The following PHKB variants were observed in gnomAD, a reference collection of about 807,000 sequenced individuals.
The protein encoded by PHKB is phosphorylase kinase regulatory subunit beta, also known as phosphorylase b kinase regulatory subunit beta.
A neutral mutation model predicts 152.1 loss-of-function variants in PHKB; 122 were observed. The ratio of observed to expected loss-of-function variants is 0.80; its 90% CI spans 0.69 to 0.93. The LOEUF (loss-of-function observed/expected upper bound fraction) is 0.93. Among genes scored for constraint, PHKB ranks in the 40% least tolerant of loss-of-function variants. The pLI is 0.00. For synonymous variants in PHKB, 436 were observed against 464.9 expected, an observed-to-expected ratio of 0.94 and a Z score of 0.80; for missense variants, 1,304 against 1,328.4, an observed-to-expected ratio of 0.98 and a Z score of 0.29.
At position 47,499,833 on chromosome 16, in the gene PHKB, G is replaced by A. The variant is rs753655193; in HGVS notation, c.244G>A (p.Ala82Thr). Residue 82 changes from alanine to threonine, a missense_variant, in exon 3 of 31, where the codon GCC (alanine) becomes ACC (threonine). Coordinates refer to ENST00000323584, the MANE Select transcript of PHKB (RefSeq NM_000293.3). Reference protein sequence around the residue: ...PTKTCGGDQKAKIQDSLYCAA... With the variant: ...PTKTCGGDQKTKIQDSLYCAA... ...TAAAACATGCGGTGGTGACCAGAAG[G>A]CCAAGATCCAGGACAGCCTATACTG... 2 of 1,614,112 alleles carry A rather than the reference G, an allele frequency of 1.2e-6. No individual in the cohort carries two copies. The highest frequency in any genetic ancestry group is 8.5e-7 in the Non-Finnish European group (1 of 1,180,000).
chr16:47,621,500 C>G (rs1413884984), intron 14 of PHKB, among the ~76,000 whole-genome samples: 1 of 152,178 alleles, frequency 6.6e-6, no homozygotes, highest in African/African-American at 2.4e-5. Context: ...GGAAATCATG[C>G]ATGTGGCTCA....
intron 1 of PHKB, among the ~76,000 whole-genome samples, chr16:47,470,742 C>A (rs1319071195): frequency 1.3e-5 from 2 of 152,242 alleles, no homozygotes; most frequent in African/African-American, 4.8e-5. Flanking sequence ...AAATAAACAA[C>A]AGTGGTTACT....
intron 6 of PHKB, among the ~76,000 whole-genome samples, chr16:47,528,724 A>C (rs1456142443): frequency 7.3e-6 from 1 of 136,484 alleles, no homozygotes; most frequent in Non-Finnish European, 1.5e-5. Context: ...ATTTTGACGG[A>C]GTCTCACTGT....
chr16:47,497,582 G>A (rs1457201515), intron 2 of PHKB, 94 bp downstream of exon 2: 68 of 783,248 alleles, frequency 8.7e-5, no homozygotes, highest in Non-Finnish European at 2.0e-5. Context: ...GGATGATATT[G>A]TTCTGTCATT....
intron 26 of PHKB, among the ~76,000 whole-genome samples, chr16:47,678,936 T>C (rs942518517): frequency 4.6e-5 from 7 of 152,222 alleles, no homozygotes; most frequent in Admixed American, 4.6e-4. Flanking sequence ...CCATCTTGAA[T>C]TGATTTTTGT....
At chr16:47,663,604 T>C (rs1973481676) in intron 23 of PHKB, 73 bp from the exon 24 acceptor site, 4 of 1,272,066 alleles carry the variant, frequency 3.1e-6, no homozygotes, top group Middle Eastern at 2.1e-4. Flanking sequence ...AAATGAGTAC[T>C]TTTAAGAGGA....
At position 47,464,012 on chromosome 16, in the gene PHKB, A is replaced by G. The variant is rs1293923468; in HGVS notation, c.76+2586A>G. 3.5e-6 allele frequency: 5 copies of G among 1,433,480 alleles called. No homozygotes were observed. The highest frequency in any genetic ancestry group is 4.5e-5 in the East Asian group (2 of 44,094). The allele number at this position is 1,433,480 out of a possible 1,614,324, so 88.8% of individuals were successfully genotyped here. A position where few individuals can be genotyped will look rare whatever the true frequency, so the allele number is the denominator to read the frequency against. On this transcript the variant is annotated intron_variant, in intron 1 of 30. Coordinates refer to ENST00000323584, the MANE Select transcript of PHKB (RefSeq NM_000293.3). ...AGGTCTGGTAAGTGTTGTAGACCCC[A>G]AAAGGGTCACTTGGTAATTTTAAAT... is the stretch of plus-strand genomic sequence containing the variant.
In PHKB at chr16:47,669,479, G is replaced by A. The variant is rs974442529; in HGVS notation, c.2630+62G>A. On this transcript the variant is annotated intron_variant, in intron 26 of 30. Coordinates refer to ENST00000323584, the MANE Select transcript of PHKB (RefSeq NM_000293.3). Reference sequence around the variant, plus strand: ...GTTCAAGTTGTCCTCTAACAGACCCGGCCTCTCCAAGTGAAGCAATGTTCC... The same window carrying A: ...GTTCAAGTTGTCCTCTAACAGACCCAGCCTCTCCAAGTGAAGCAATGTTCC... 1.2e-5 allele frequency: 18 copies of A among 1,454,560 alleles called. 1 individual carries two copies. The highest frequency in any genetic ancestry group is 2.3e-5 in the East Asian group (1 of 44,138). The allele number at this position is 1,454,560 out of a possible 1,614,324, so 90.1% of individuals were successfully genotyped here.
chr16:47,488,401 C>T (rs1208309572), intron 1 of PHKB, among the ~76,000 whole-genome samples: 1 of 152,102 alleles, frequency 6.6e-6, no homozygotes, highest in African/African-American at 2.4e-5. Context: ...TCTGTTTGCT[C>T]TATCGGTAGT....
At chr16:47,496,061 A>C (rs188545445) in intron 1 of PHKB, among the ~76,000 whole-genome samples, 6 of 152,100 alleles carry the variant, frequency 3.9e-5, no homozygotes, top group Admixed American at 3.3e-4. Flanking sequence ...AGGATGTTGG[A>C]CACAGCAATT....
At chr16:47,652,256 G>T (rs1282249423) in intron 20 of PHKB, among the ~76,000 whole-genome samples, 7 of 151,686 alleles carry the variant, frequency 4.6e-5, no homozygotes, top group African/African-American at 1.5e-4. Flanking sequence ...GATTCAGGGG[G>T]ATACATATAC....
intron 1 of PHKB, among the ~76,000 whole-genome samples, chr16:47,485,760 C>T (rs980915156): frequency 2.0e-5 from 3 of 152,100 alleles, no homozygotes; most frequent in African/African-American, 7.2e-5. Flanking sequence ...GCTAGGACTA[C>T]AGGCGTGTAC....
chr16:47,634,428 A>G (rs887847596), intron 14 of PHKB, among the ~76,000 whole-genome samples: 6 of 152,232 alleles, frequency 3.9e-5, no homozygotes, highest in African/African-American at 1.4e-4. Flanking sequence ...AGGTGGCAGT[A>G]GACCAGCTAG....
At chr16:47,481,589 A>G (rs191541057) in intron 1 of PHKB, among the ~76,000 whole-genome samples, 38 of 152,386 alleles carry the variant, frequency 2.5e-4, no homozygotes, top group Admixed American at 2.3e-3. Context: ...CAATTAATCC[A>G]GAAACCATTG....
intron 25 of PHKB, chr16:47,665,695 T>C: frequency 1.7e-6 from 1 of 576,188 alleles, no homozygotes; most frequent in East Asian, 3.0e-5. Flanking sequence ...ATCAATAGTG[T>C]CATCAATAAT....
In PHKB at chr16:47,649,092, C is replaced by T. The variant is rs1484406572; in HGVS notation, c.1693-8C>T. 6.6e-7 allele frequency: 1 copy of T among 1,508,982 alleles called. No homozygotes were observed. Among genetic ancestry groups the T allele is most frequent in the Admixed American group, 1.7e-5 (1 of 59,822 alleles). The allele number at this position is 1,508,982 out of a possible 1,614,324, so 93.5% of individuals were successfully genotyped here. On this transcript the variant is annotated splice_polypyrimidine_tract_variant and splice_region_variant and intron_variant, in intron 17 of 30. Coordinates refer to ENST00000323584, the MANE Select transcript of PHKB (RefSeq NM_000293.3). ...TAGTTATTTGTTTTAAAACTTTTTC[C>T]CTTACAGATTTATCGCATTCTAGGA...
chr16:47,565,889 A>T (rs759106059), intron 7 of PHKB: 103 of 1,157,588 alleles, frequency 8.9e-5, no homozygotes, highest in Non-Finnish European at 1.2e-4. Context: ...CCTTAGGAGT[A>T]CTCTGAGGCT....
intron 16 of PHKB, among the ~76,000 whole-genome samples, chr16:47,647,322 C>G (rs1264913873): frequency 3.3e-5 from 5 of 152,096 alleles, no homozygotes. Flanking sequence ...CCGGGTTTCA[C>G]CATGTCGGCC....
intron 5 of PHKB, among the ~76,000 whole-genome samples, chr16:47,511,976 T>C (rs1490806150): frequency 3.9e-5 from 6 of 152,108 alleles, no homozygotes; most frequent in Non-Finnish European, 8.8e-5. Flanking sequence ...CCTGGATCCC[T>C]CGCATGTGCA....
Sources: gnomAD v4.1 joint callset for allele counts (sites outside exome capture counted in the v4.1 genomes callset) on GRCh38, gnomAD v4.1.1 for gene constraint, MANE v1.5 for transcripts, NCBI Gene and HGNC (gene_info 2026-07-23, HGNC 2026-07-21) for gene names.